FAM53A: variants seen among roughly 807,000 people sequenced by gnomAD.
The protein encoded by FAM53A is protein FAM53A.
FAM53A carries 28 observed loss-of-function variants against 26.6 expected under a neutral mutation model. That is an observed-to-expected ratio of 1.05 (90% CI 0.78 to 1.45). FAM53A has a LOEUF of 1.45. Among genes scored for constraint, FAM53A ranks in the 40% most tolerant of loss-of-function variants. The pLI is 0.00. For synonymous variants in FAM53A, 290 were observed against 253.1 expected, an observed-to-expected ratio of 1.15 and a Z score of -1.38; for missense variants, 650 against 575.8, an observed-to-expected ratio of 1.13 and a Z score of -1.32.
rs1166256504 is a variant in FAM53A, at chr4:1,659,208, A to C, written c.76-1740T>G. Among the ~76,000 whole-genome samples the C allele has an allele frequency of 6.6e-6, 1 of 152,184 alleles. No homozygotes were observed. Among genetic ancestry groups the C allele is most frequent in the Non-Finnish European group, 1.5e-5 (1 of 68,026 alleles). On this transcript the variant is annotated intron_variant, in intron 2 of 4. Transcript: ENST00000308132. This position sits in a 1 kb window ranked among gnomAD's most constrained non-coding sequence, Gnocchi z 5.2. ...GGCCTGGTGCGGGCCCGGGAACCAC[A>C]CGACCTCCAGGTTCTCCCACCCCGG... is the stretch of plus-strand genomic sequence containing the variant.
the FAM53A span, among the ~76,000 whole-genome samples, chr4:1,586,591 C>G: frequency 5.8e-3 from 885 of 151,688 alleles, 10 homozygotes; most frequent in African/African-American, 0.02. Context: ...CTGGCTAACA[C>G]GGTGAAACCC....
At chr4:1,605,414 T>A in the FAM53A span, among the ~76,000 whole-genome samples, 1 of 152,046 alleles carries the variant, frequency 6.6e-6, no homozygotes, top group African/African-American at 2.4e-5. This position sits in a 1 kb window ranked among gnomAD's most constrained non-coding sequence, Gnocchi z 5.7. Flanking sequence ...GAGTCGCCCA[T>A]TCCGCCCCCA....
chr4:1,644,589 G>A (rs1044465111), intron 4 of FAM53A: 12 of 464,886 alleles, frequency 2.6e-5, no homozygotes, highest in East Asian at 6.6e-5. Flanking sequence ...CGCCAGCCCC[G>A]GGGCTCCGTC....
In FAM53A at chr4:1,625,319, C is replaced by T. The variant is rs868658428; in HGVS notation, c.432-7208G>A. ...TCAGAAGGCCCCACGTCCCGGCCCA[C>T]GTGGTCAGGGGTCACACCAGGTGAT... is the stretch of plus-strand genomic sequence containing the variant. On this transcript the variant is annotated intron_variant, in intron 1 of 1. Coordinates refer to the FAM53A transcript ENST00000489029. Among the ~76,000 whole-genome samples the T allele has an allele frequency of 2.4e-4, 5 of 20,704 alleles. No individual in the cohort carries two copies. The East Asian group carries it at 3.6e-3, about 15-fold the overall frequency. 13.6% of individuals were successfully genotyped at this position (20,704 alleles called of 152,430 possible). A position where few individuals can be genotyped will look rare whatever the true frequency, so the allele number is the denominator to read the frequency against.
intron 1 of FAM53A, among the ~76,000 whole-genome samples, chr4:1,680,573 A>G (rs1715363768): frequency 6.6e-6 from 1 of 152,212 alleles, no homozygotes; most frequent in South Asian, 2.1e-4. Flanking sequence ...GGAAACAACC[A>G]AGATTTCCTG....
intron 2 of FAM53A, among the ~76,000 whole-genome samples, chr4:1,663,627 A>G (rs1426222423): frequency 6.6e-6 from 1 of 152,148 alleles, no homozygotes; most frequent in African/African-American, 2.4e-5. Context: ...GACAGTGAGC[A>G]CTAGAAGTGT....
chr4:1,682,728 C>T (rs1053418189), intron 1 of FAM53A, among the ~76,000 whole-genome samples: 2 of 150,970 alleles, frequency 1.3e-5, no homozygotes, highest in Non-Finnish European at 2.9e-5. Context: ...GCAACTACCT[C>T]TATAACTAGA....
At chr4:1,595,943 T>C in the FAM53A span, among the ~76,000 whole-genome samples, 1 of 152,238 alleles carries the variant, frequency 6.6e-6, no homozygotes, top group African/African-American at 2.4e-5. Flanking sequence ...GTGTGACCCC[T>C]GGTCACTGTC....
At chr4:1,597,849 C>T in the FAM53A span, among the ~76,000 whole-genome samples, 2,197 of 152,296 alleles carry the variant, frequency 0.014, 36 homozygotes, top group African/African-American at 0.041. Context: ...TACAAAAATT[C>T]GCCGGATGTG....
In FAM53A at chr4:1,630,798, G is replaced by T. The variant is rs912298180; in HGVS notation, c.432-12687C>A. On this transcript the variant is annotated intron_variant, in intron 1 of 1. Coordinates refer to the FAM53A transcript ENST00000489029. The surrounding 1 kb of genome is among the most constrained non-coding windows in gnomAD (Gnocchi z 4.3). ...TCGTGGGGAGGGGGCTCATTTGGGC[G>T]ATGGGATAAAATGGTTTGGAACCAG... Among the ~76,000 whole-genome samples, 1 of 152,198 alleles carries T rather than the reference G, an allele frequency of 6.6e-6. No individual in the cohort carries two copies. The highest frequency in any genetic ancestry group is 1.9e-4 in the East Asian group (1 of 5,192).
At chr4:1,616,999 C>T (rs1223856795), downstream of FAM53A, among the ~76,000 whole-genome samples, 3 of 143,792 alleles carry the variant, frequency 2.1e-5, no homozygotes, top group Admixed American at 6.7e-5. Context: ...TAGCCAGGCA[C>T]GGTGGTACGT....
At chr4:1,665,438 C>T (rs991250250) in intron 2 of FAM53A, among the ~76,000 whole-genome samples, 11 of 150,418 alleles carry the variant, frequency 7.3e-5, no homozygotes, top group South Asian at 4.2e-4. Context: ...CAATGACGTG[C>T]GATCACTCCA....
At chr4:1,646,291 G>C (rs569516452) in intron 4 of FAM53A, among the ~76,000 whole-genome samples, 38 of 152,112 alleles carry the variant, frequency 2.5e-4, no homozygotes, top group Non-Finnish European at 4.3e-4. Flanking sequence ...AGTAGAGACA[G>C]GGTTTCACTG....
rs1711568071 is a variant in FAM53A at position 1,640,380 on chromosome 4, A to G, written c.*913T>C. 2.3e-5 allele frequency: 6 copies of G among 255,626 alleles called. No individual in the cohort carries two copies. In the South Asian group the frequency reaches 2.4e-4, roughly 10 times the overall value. The allele number at this position is 255,626 out of a possible 1,614,324, so 15.8% of individuals were successfully genotyped here. ...GGGGCCAGTGGGACTCTGACCACCA[A>G]CGCCCGGGGTTTCCTAGCAACTAAA... On this transcript the variant is annotated 3_prime_UTR_variant, in exon 5 of 5. Transcript: ENST00000308132.
At chr4:1,612,483 G>A in the FAM53A span, among the ~76,000 whole-genome samples, 10 of 152,038 alleles carry the variant, frequency 6.6e-5, no homozygotes, top group African/African-American at 2.4e-4. Flanking sequence ...AGGCATGCGC[G>A]CACACACACA....
intron 4 of FAM53A, among the ~76,000 whole-genome samples, chr4:1,648,608 A>G (rs1423443469): frequency 6.6e-6 from 1 of 152,180 alleles, no homozygotes; most frequent in Non-Finnish European, 1.5e-5. Context: ...GAAAGCGATG[A>G]CTACGGTCAC....
At chr4:1,605,804 C>A in the FAM53A span, among the ~76,000 whole-genome samples, 1 of 152,156 alleles carries the variant, frequency 6.6e-6, no homozygotes, top group Non-Finnish European at 1.5e-5. The surrounding 1 kb of genome is among the most constrained non-coding windows in gnomAD (Gnocchi z 5.7). Flanking sequence ...GACTGGCGCA[C>A]CCCTTCTTCC....
At chr4:1,682,501 T>C (rs1275120050) in intron 1 of FAM53A, among the ~76,000 whole-genome samples, 1 of 152,158 alleles carries the variant, frequency 6.6e-6, no homozygotes, top group East Asian at 1.9e-4. Flanking sequence ...GACCTCGTGA[T>C]CTGCCCGCCT....
chr4:1,579,117 C>T, the FAM53A span, among the ~76,000 whole-genome samples: 2 of 151,506 alleles, frequency 1.3e-5, no homozygotes, highest in Non-Finnish European at 3.0e-5. Flanking sequence ...CCCGAGCGCT[C>T]CCGAATCCGA....
Sources: allele counts gnomAD v4.1 joint callset (sites outside exome capture counted in the v4.1 genomes callset), GRCh38; gene constraint gnomAD v4.1.1; non-coding constraint Gnocchi (gnomAD v3.1); transcripts MANE v1.5; gene names NCBI Gene and HGNC (gene_info 2026-07-23, HGNC 2026-07-21).